Variants in MYRIP observed in about 807,000 individuals in gnomAD.
MYRIP encodes the protein myosin VIIA and Rab interacting protein, also known as rab effector MyRIP.
Under a neutral mutation model 98.0 loss-of-function variants are expected in MYRIP, and 49 were observed. The ratio of observed to expected loss-of-function variants is 0.50; its 90% CI spans 0.40 to 0.63. The LOEUF (loss-of-function observed/expected upper bound fraction) is 0.63. Ranked by LOEUF, MYRIP falls within the 30% of genes least tolerant of loss-of-function variation. MYRIP has a pLI of 0.00. For synonymous variants in MYRIP, 404 were observed against 409.5 expected (o/e 0.99, Z 0.16); for missense variants, 1,004 against 1,058.2 (o/e 0.95, Z 0.71).
intron 16 of MYRIP, among the ~76,000 whole-genome samples, chr3:40,257,302 A>G (rs768235733): frequency 1.5e-4 from 23 of 152,236 alleles, no homozygotes; most frequent in Admixed American, 3.9e-4. Context: ...AGCCTGAGCA[A>G]CAGAGTGAGA....
chr3:40,071,899 G>A (rs17184770), intron 3 of MYRIP, among the ~76,000 whole-genome samples: 24,570 of 152,166 alleles, frequency 0.16, 1,940 homozygotes, highest in East Asian at 0.2. Context: ...AGGGTCACGA[G>A]GGAGCTGGCC....
intron 2 of MYRIP, among the ~76,000 whole-genome samples, chr3:39,944,526 T>G (rs1944857494): frequency 6.6e-6 from 1 of 151,866 alleles, no homozygotes; most frequent in African/African-American, 2.4e-5. Flanking sequence ...ATTCTGTATA[T>G]GCACAAAATA....
chr3:39,889,114 A>G (rs1252050664), intron 1 of MYRIP, among the ~76,000 whole-genome samples: 14 of 152,208 alleles, frequency 9.2e-5, no homozygotes, highest in Admixed American at 9.2e-4. Flanking sequence ...TGTGGAAGTC[A>G]GTGTGGCGAT....
At chr3:40,052,497 C>T (rs192405407) in intron 3 of MYRIP, among the ~76,000 whole-genome samples, 22 of 152,216 alleles carry the variant, frequency 1.4e-4, no homozygotes, top group African/African-American at 5.3e-4. Context: ...TATTGAACCT[C>T]ATTAGAAATC....
intron 1 of MYRIP, among the ~76,000 whole-genome samples, chr3:39,827,256 G>A (rs999425399): frequency 2.6e-4 from 39 of 152,072 alleles, no homozygotes; most frequent in African/African-American, 4.1e-4. Context: ...AAGAGTGTTC[G>A]CATGTGCCAC....
chr3:39,953,367 C>T (rs1276613197), intron 2 of MYRIP, among the ~76,000 whole-genome samples: 1 of 152,158 alleles, frequency 6.6e-6, no homozygotes, highest in Non-Finnish European at 1.5e-5. Flanking sequence ...TTTTAAAAAT[C>T]ATTCACTTTT....
intron 2 of MYRIP, among the ~76,000 whole-genome samples, chr3:39,947,310 G>A (rs1283172626): frequency 1.3e-5 from 2 of 151,762 alleles, no homozygotes; most frequent in African/African-American, 4.8e-5. Context: ...AAAAGTACAA[G>A]CAGAAATTAA....
At chr3:40,166,721 T>A in intron 5 of MYRIP, 125 bp from the exon 6 acceptor site, 1 of 653,286 alleles carries the variant, frequency 1.5e-6, no homozygotes. Context: ...GAGGGCTTTG[T>A]GTGCCATGGT....
intron 1 of MYRIP, among the ~76,000 whole-genome samples, chr3:39,825,334 A>G (rs1400607226): frequency 6.6e-6 from 1 of 152,192 alleles, no homozygotes; most frequent in Admixed American, 6.5e-5. Flanking sequence ...TGGGCTAGTC[A>G]TATATGGCTT....
chr3:40,035,808 C>T (rs996368477), intron 2 of MYRIP, among the ~76,000 whole-genome samples: 1 of 151,798 alleles, frequency 6.6e-6, no homozygotes. Context: ...ATGAATGGCA[C>T]ATGAGTGGAA....
intron 2 of MYRIP, among the ~76,000 whole-genome samples, chr3:39,969,719 T>C (rs1945530960): frequency 6.6e-6 from 1 of 152,196 alleles, no homozygotes; most frequent in Non-Finnish European, 1.5e-5. Flanking sequence ...CTGGATTCTG[T>C]TTGCAGGTAT....
At chr3:40,190,757 T>C (rs1030478894) in intron 10 of MYRIP, among the ~76,000 whole-genome samples, 2 of 152,174 alleles carry the variant, frequency 1.3e-5, no homozygotes, top group African/African-American at 4.8e-5. Flanking sequence ...AAATTGGAGA[T>C]TCTGGGCATG....
Position 40,179,565 on chromosome 3 carries a change from A to G in MYRIP, c.874-2655A>G, listed in dbSNP as rs188912697. ...TTGTATTCAGTGATTTACAGTGAGA[A>G]GCTTGTAGATTTTTTTTAAAGGCCA... On this transcript the variant is annotated intron_variant, in intron 8 of 16. Transcript: ENST00000302541. 2.3e-3 allele frequency among the ~76,000 whole-genome samples: 355 copies of G among 152,312 alleles called. 1 individual carries two copies. The highest frequency in any genetic ancestry group is 8.3e-3 in the African/African-American group (344 of 41,568).
chr3:40,196,857 G>A (rs1034683894), intron 10 of MYRIP, among the ~76,000 whole-genome samples: 6 of 152,094 alleles, frequency 3.9e-5, no homozygotes, highest in African/African-American at 9.7e-5. Context: ...AGTCTTGTGA[G>A]GGACTCATGT....
intron 2 of MYRIP, among the ~76,000 whole-genome samples, chr3:39,939,831 G>A (rs1461623046): frequency 6.6e-6 from 1 of 152,048 alleles, no homozygotes; most frequent in Non-Finnish European, 1.5e-5. Context: ...GTTCCAGTGA[G>A]GAAATGATTC....
At chr3:39,815,866 T>C (rs958080856) in intron 1 of MYRIP, among the ~76,000 whole-genome samples, 5 of 149,002 alleles carry the variant, frequency 3.4e-5, no homozygotes, top group African/African-American at 1.2e-4. Flanking sequence ...AGAAATTGTA[T>C]ACTTTTGGTA....
intron 1 of MYRIP, among the ~76,000 whole-genome samples, chr3:39,859,111 A>G (rs74594653): frequency 4.5e-5 from 2 of 43,976 alleles, no homozygotes; most frequent in Admixed American, 3.9e-4. Flanking sequence ...TGGTTTTTTG[A>G]AAAAAAAAAA....
intron 2 of MYRIP, among the ~76,000 whole-genome samples, chr3:39,971,731 T>C (rs1320826259): frequency 6.6e-6 from 1 of 152,116 alleles, no homozygotes; most frequent in Non-Finnish European, 1.5e-5. Context: ...TTGAGTCTAA[T>C]GCTCTAATCT....
intron 2 of MYRIP, among the ~76,000 whole-genome samples, chr3:40,026,078 C>T (rs1475124877): frequency 2.0e-5 from 3 of 152,084 alleles, no homozygotes; most frequent in Admixed American, 1.3e-4. Flanking sequence ...GAGACCAGAG[C>T]GTATTTCAGT....
Sources: gnomAD v4.1 joint callset for allele counts (sites outside exome capture counted in the v4.1 genomes callset) on GRCh38, gnomAD v4.1.1 for gene constraint, MANE v1.5 for transcripts, NCBI Gene and HGNC (gene_info 2026-07-23, HGNC 2026-07-21) for gene names.